Variants in STX7 observed in about 807,000 individuals in gnomAD.
The protein encoded by STX7 is syntaxin-7.
Under a neutral mutation model 39.6 loss-of-function variants are expected in STX7, and 34 were observed. That is an observed-to-expected ratio of 0.86 (90% CI 0.65 to 1.14). STX7 has a LOEUF of 1.14. STX7 is among the 50% of genes most tolerant of loss of function. The pLI is 0.00. For synonymous variants in STX7, 119 were observed against 99.1 expected, an observed-to-expected ratio of 1.20 and a Z score of -1.19; for missense variants, 284 against 310.4, an observed-to-expected ratio of 0.92 and a Z score of 0.64.
Position 132,451,374 on chromosome 6 carries a change from G to A in STX7, c.*9384C>T, listed in dbSNP as rs9493321. ...GCTTCCCAAAGTGCTGGGCTTACAG[G>A]CGTGAGCCACCCCTCTTGGCTGGAA... On this transcript the variant is annotated 3_prime_UTR_variant, in exon 10 of 10. Transcript: ENST00000367941. 50,258 of 151,734 alleles carry A rather than the reference G, an allele frequency of 0.33. 8,889 individuals are homozygous for A. The highest frequency in any genetic ancestry group is 0.7 in the East Asian group (3,594 of 5,132). 9.4% of individuals were successfully genotyped at this position (151,734 alleles called of 1,614,324 possible).
chr6:132,468,477 T>C lies in STX7; in HGVS notation c.538-2A>G. On this transcript the variant is annotated splice_acceptor_variant, in intron 7 of 9. Coordinates refer to ENST00000367941, the MANE Select transcript of STX7 (RefSeq NM_003569.3). LOFTEE classifies it high-confidence loss of function. Reference sequence around the variant, plus strand: ...TTCATTAATATCCATAATATCAGCCTAAGAGAAAACGCATATATTATTATA... The same window carrying C: ...TTCATTAATATCCATAATATCAGCCCAAGAGAAAACGCATATATTATTATA... 6.3e-7 allele frequency: 1 copy of C among 1,594,268 alleles called. No individual in the cohort carries two copies. Among genetic ancestry groups the C allele is most frequent in the Non-Finnish European group, 8.6e-7 (1 of 1,169,468 alleles).
chr6:132,470,544 T>G, intron 6 of STX7, 30 bp downstream of exon 6: 1 of 1,558,926 alleles, frequency 6.4e-7, no homozygotes, highest in Non-Finnish European at 8.8e-7. Context: ...AAATTACCTT[T>G]TGATCTGTAA....
At chr6:132,505,818 A>G (rs1463504435) in intron 1 of STX7, among the ~76,000 whole-genome samples, 1 of 151,778 alleles carries the variant, frequency 6.6e-6, no homozygotes, top group Non-Finnish European at 1.5e-5. Flanking sequence ...AGCTGGAGGC[A>G]TCTCATTGCC....
chr6:132,475,529 A>G, intron 3 of STX7, 64 bp downstream of exon 3: 5 of 1,187,470 alleles, frequency 4.2e-6, no homozygotes, highest in Non-Finnish European at 5.9e-6. Flanking sequence ...CATACTGTAA[A>G]AGCAACAGAA....
intron 6 of STX7, 97 bp downstream of exon 6, chr6:132,470,477 T>C (rs1267938187): frequency 2.4e-6 from 2 of 833,558 alleles, no homozygotes; most frequent in African/African-American, 1.7e-5. Context: ...ATATTTATGA[T>C]ATAATATATT....
At chr6:132,508,548 G>A (rs893285631) in intron 1 of STX7, among the ~76,000 whole-genome samples, 2 of 152,126 alleles carry the variant, frequency 1.3e-5, no homozygotes, top group Non-Finnish European at 2.9e-5. Flanking sequence ...TGAGACAGGA[G>A]CACCCAGGCT....
rs1774265742 is a variant in STX7, at chr6:132,457,269, T to C, written c.*3489A>G. On this transcript the variant is annotated 3_prime_UTR_variant, in exon 10 of 10. Transcript: ENST00000367941. ...ATATGCAAAATTCACATTAAAGAAG[T>C]TTCCTACCTATCTTGTGACCTCAGT... is the stretch of plus-strand genomic sequence containing the variant. 6.6e-6 allele frequency: 1 copy of C among 152,256 alleles called. No individual in the cohort carries two copies. The highest frequency in any genetic ancestry group is 1.5e-5 in the Non-Finnish European group (1 of 68,052). The allele number at this position is 152,256 out of a possible 1,614,324, so 9.4% of individuals were successfully genotyped here.
intron 2 of STX7, 122 bp from the exon 3 acceptor site, chr6:132,475,784 TA>T (rs752327297): frequency 0.21 from 107,820 of 514,050 alleles, 12,082 homozygotes; most frequent in African/African-American, 0.34. Context: ...AAGATGAAAA[TA>T]GAAAATATTA....
In STX7 at chr6:132,450,259, T is replaced by C. The variant is rs1473128537; in HGVS notation, c.*10499A>G. ...CCTTGAGTATACCTAGTCAACCATATGGCAGGAAGCAGAAATCATCTACTT... is the reference window on the plus strand; with the variant it reads ...CCTTGAGTATACCTAGTCAACCATACGGCAGGAAGCAGAAATCATCTACTT... On this transcript the variant is annotated 3_prime_UTR_variant, in exon 10 of 10. Coordinates refer to ENST00000367941, the MANE Select transcript of STX7 (RefSeq NM_003569.3). 3 of 152,208 alleles carry C rather than the reference T, an allele frequency of 2.0e-5. No individual in the cohort carries two copies. Among genetic ancestry groups the C allele is most frequent in the Non-Finnish European group, 2.9e-5 (2 of 68,026 alleles). The allele number at this position is 152,208 out of a possible 1,614,324, so 9.4% of individuals were successfully genotyped here.
At chr6:132,466,582 C>G (rs796338751) in intron 8 of STX7, among the ~76,000 whole-genome samples, 72 of 152,220 alleles carry the variant, frequency 4.7e-4, no homozygotes, top group African/African-American at 1.7e-3. Flanking sequence ...CCTCAGACCC[C>G]TTCTATTCTC....
intron 2 of STX7, among the ~76,000 whole-genome samples, chr6:132,476,865 T>C (rs1438954412): frequency 6.6e-6 from 1 of 152,058 alleles, no homozygotes; most frequent in Non-Finnish European, 1.5e-5. Flanking sequence ...TAAAATGTCA[T>C]GGTACATAAA....
chr6:132,458,821 A>G lies in STX7; in HGVS notation c.*1937T>C, dbSNP rs930567455. On this transcript the variant is annotated 3_prime_UTR_variant, in exon 10 of 10. Transcript: ENST00000367941. The stretch of plus-strand genomic sequence containing the variant: ...ACTAAAGTTCCTGTTTAAACCACTG[A>G]TAACTGCCCCAGTTAAAATAATAAT... 6.6e-6 allele frequency: 1 copy of G among 152,202 alleles called. No homozygotes were observed. Among genetic ancestry groups the G allele is most frequent in the Non-Finnish European group, 1.5e-5 (1 of 68,038 alleles). The allele number at this position is 152,202 out of a possible 1,614,324, so 9.4% of individuals were successfully genotyped here.
intron 1 of STX7, among the ~76,000 whole-genome samples, chr6:132,505,689 T>A (rs1369821241): frequency 7.9e-6 from 1 of 127,360 alleles, no homozygotes; most frequent in African/African-American, 3.1e-5. Context: ...ACCAACACCA[T>A]CCGGAACATC....
chr6:132,478,738 G>A (rs756297136), intron 2 of STX7, among the ~76,000 whole-genome samples: 37 of 152,290 alleles, frequency 2.4e-4, no homozygotes, highest in Non-Finnish European at 4.4e-4. Flanking sequence ...CTACAACAGA[G>A]CATCACAATC....
chr6:132,484,315 A>G (rs1009349369), intron 2 of STX7, among the ~76,000 whole-genome samples: 1 of 152,212 alleles, frequency 6.6e-6, no homozygotes, highest in African/African-American at 2.4e-5. Context: ...TACAGCAATG[A>G]AGATCCATTC....
At chr6:132,490,229 T>A (rs1775244986) in intron 2 of STX7, among the ~76,000 whole-genome samples, 1 of 152,208 alleles carries the variant, frequency 6.6e-6, no homozygotes, top group Non-Finnish European at 1.5e-5. Context: ...TTCCTTCCTG[T>A]CATCCACTCG....
intron 1 of STX7, among the ~76,000 whole-genome samples, chr6:132,508,414 G>A (rs1346890580): frequency 6.6e-6 from 1 of 152,208 alleles, no homozygotes; most frequent in Non-Finnish European, 1.5e-5. Flanking sequence ...GCTACTAAAT[G>A]TGAGAAAGTT....
chr6:132,489,057 C>T (rs572376344), intron 2 of STX7, among the ~76,000 whole-genome samples: 2 of 151,940 alleles, frequency 1.3e-5, no homozygotes, highest in South Asian at 2.1e-4. Flanking sequence ...CAAAAATTAG[C>T]CAAGTATGGT....
intron 1 of STX7, among the ~76,000 whole-genome samples, chr6:132,506,399 CA>C (rs1287357892): frequency 2.0e-5 from 3 of 151,956 alleles, no homozygotes; most frequent in Non-Finnish European, 4.4e-5. Context: ...AACAACTCAA[CA>C]AAAAACCCCA....
Sources: gnomAD v4.1 joint callset for allele counts (sites outside exome capture counted in the v4.1 genomes callset) on GRCh38, gnomAD v4.1.1 for gene constraint, MANE v1.5 for transcripts, NCBI Gene and HGNC (gene_info 2026-07-23, HGNC 2026-07-21) for gene names.